The following KLHL29 variants were observed in gnomAD, a reference collection of about 807,000 sequenced individuals.
The protein encoded by KLHL29 is kelch-like protein 29.
In KLHL29, 21 loss-of-function variants were observed where a neutral mutation model predicts 80.4. The observed-to-expected ratio is 0.26, with a 90% CI of 0.19 to 0.38. The LOEUF is 0.38. Ranked by LOEUF, KLHL29 falls within the 10% of genes least tolerant of loss-of-function variation. The pLI is 1.00. For missense variants in KLHL29, 867 were observed against 1,223.9 expected (o/e 0.71, Z 4.35); for synonymous variants, 511 against 526.8 (o/e 0.97, Z 0.41).
At chr2:23,630,453 A>C (rs1669440577) in intron 3 of KLHL29, among the ~76,000 whole-genome samples, 1 of 152,106 alleles carries the variant, frequency 6.6e-6, no homozygotes, top group East Asian at 1.9e-4. Context: ...CCCGGGTTAG[A>C]GTCCCAGGCT....
intron 3 of KLHL29, among the ~76,000 whole-genome samples, chr2:23,621,613 C>T (rs1034413330): frequency 6.6e-6 from 1 of 152,056 alleles, no homozygotes; most frequent in African/African-American, 2.4e-5. Flanking sequence ...ACCCCCCAGA[C>T]AGGAAATGCA....
rs987202955 is a variant in KLHL29 at position 23,420,448 on chromosome 2, C to T, written c.-154+34668C>T. On this transcript the variant is annotated intron_variant, in intron 1 of 13. Coordinates refer to ENST00000486442, the MANE Select transcript of KLHL29 (RefSeq NM_052920.2). ...GCGGAATCCCACAGGAACACAGGCCCGCTGGCTCCCGAGACCGGGCTGTCT... is the reference window on the plus strand; with the variant it reads ...GCGGAATCCCACAGGAACACAGGCCTGCTGGCTCCCGAGACCGGGCTGTCT... Among the ~76,000 whole-genome samples, 5 of 152,240 alleles carry T rather than the reference C, an allele frequency of 3.3e-5. 1 individual carries two copies. In the South Asian group the frequency reaches 6.2e-4, roughly 19 times the overall value.
At chr2:23,563,973 T>A (rs1288614855) in intron 3 of KLHL29, among the ~76,000 whole-genome samples, 4 of 152,242 alleles carry the variant, frequency 2.6e-5, no homozygotes, top group Admixed American at 2.6e-4. Context: ...CAGTGACCTC[T>A]GCCCAGTAGG....
At chr2:23,392,308 T>C (rs977133041) in intron 1 of KLHL29, among the ~76,000 whole-genome samples, 1 of 152,250 alleles carries the variant, frequency 6.6e-6, no homozygotes, top group Non-Finnish European at 1.5e-5. Flanking sequence ...GTTCTGTAAG[T>C]CTCACTATCA....
intron 5 of KLHL29, among the ~76,000 whole-genome samples, chr2:23,673,550 G>A (rs535695604): frequency 3.3e-5 from 5 of 150,044 alleles, no homozygotes; most frequent in African/African-American, 7.4e-5. Context: ...ACATACACAC[G>A]CCCATGCCAC....
chr2:23,694,366 C>T (rs530272865), intron 8 of KLHL29, among the ~76,000 whole-genome samples: 2 of 152,196 alleles, frequency 1.3e-5, no homozygotes, highest in African/African-American at 4.8e-5. Context: ...CTCTCCCCAT[C>T]GAGACCTTCC....
intron 2 of KLHL29, among the ~76,000 whole-genome samples, chr2:23,532,125 T>A (rs1412860889): frequency 6.6e-6 from 1 of 152,170 alleles, no homozygotes; most frequent in East Asian, 1.9e-4. Context: ...CCCGCTCCAC[T>A]GGGGCCATGC....
chr2:23,664,241 C>G (rs934485289), intron 5 of KLHL29, among the ~76,000 whole-genome samples: 1 of 152,168 alleles, frequency 6.6e-6, no homozygotes, highest in Admixed American at 6.5e-5. Flanking sequence ...ATACACTGCA[C>G]ACTGTCAGGT....
At position 23,423,294 on chromosome 2, in the gene KLHL29, G is replaced by T. The variant is rs1243195833; in HGVS notation, c.-154+37514G>T. On this transcript the variant is annotated intron_variant, in intron 1 of 13. Coordinates refer to ENST00000486442, the MANE Select transcript of KLHL29 (RefSeq NM_052920.2). ...GGCCACCAGAGGCGTCTGCTGCGTG[G>T]TCAGCCTGGCCGACTGACCTCCCGG... is the stretch of plus-strand genomic sequence containing the variant. Among the ~76,000 whole-genome samples, 5 of 152,230 alleles carry T rather than the reference G, an allele frequency of 3.3e-5. No individual in the cohort carries two copies. In the East Asian group the frequency reaches 9.7e-4, roughly 29 times the overall value.
Position 23,524,156 on chromosome 2 carries a change from G to C in KLHL29, c.-45-37996G>C, listed in dbSNP as rs548759481. 1.3e-3 allele frequency: 541 copies of C among 415,520 alleles called. 8 individuals are homozygous for C. Among genetic ancestry groups the C allele is most frequent in the South Asian group, 9.4e-3 (530 of 56,242 alleles). 25.7% of individuals were successfully genotyped at this position (415,520 alleles called of 1,614,324 possible). A position where few individuals can be genotyped will look rare whatever the true frequency, so the allele number is the denominator to read the frequency against. Reference sequence around the variant, plus strand: ...CCATTTCTCGGAAAAGGAAGCCGATGCTGGAGCGGGGGATGACTTGCTCAG... The same window carrying C: ...CCATTTCTCGGAAAAGGAAGCCGATCCTGGAGCGGGGGATGACTTGCTCAG... On this transcript the variant is annotated intron_variant, in intron 2 of 13. Transcript: ENST00000486442.
At chr2:23,597,859 G>A (rs1320679538) in intron 3 of KLHL29, among the ~76,000 whole-genome samples, 1 of 152,070 alleles carries the variant, frequency 6.6e-6, no homozygotes, top group Admixed American at 6.5e-5. Context: ...CCCCATCCCC[G>A]ACCTGTGGTC....
intron 3 of KLHL29, among the ~76,000 whole-genome samples, chr2:23,632,507 A>C (rs918990726): frequency 1.2e-4 from 18 of 152,262 alleles, no homozygotes; most frequent in African/African-American, 4.3e-4. Context: ...GCTGAAAGGA[A>C]GTGAAATATC....
At chr2:23,434,320 C>A (rs1424473994) in intron 1 of KLHL29, among the ~76,000 whole-genome samples, 108 of 54,900 alleles carry the variant, frequency 2.0e-3, no homozygotes, top group East Asian at 4.0e-3. Context: ...GACTCCGTCT[C>A]AAAAAAAAAA....
intron 1 of KLHL29, among the ~76,000 whole-genome samples, chr2:23,404,280 ATC>A (rs1666672157): frequency 6.6e-6 from 1 of 151,676 alleles, no homozygotes; most frequent in South Asian, 2.1e-4. Flanking sequence ...TAAAAAAAAA[ATC>A]ACTCAGTCAT....
chr2:23,501,205 G>A (rs1050283604), intron 2 of KLHL29, among the ~76,000 whole-genome samples: 9 of 151,988 alleles, frequency 5.9e-5, no homozygotes, highest in African/African-American at 1.9e-4. Flanking sequence ...TGAACACGTC[G>A]GGCAGATTCC....
intron 11 of KLHL29, among the ~76,000 whole-genome samples, chr2:23,698,253 G>A (rs897739662): frequency 3.1e-5 from 4 of 131,134 alleles, no homozygotes; most frequent in Non-Finnish European, 6.7e-5. Context: ...AGGGCCCTGA[G>A]CCCTTCCTCA....
chr2:23,608,707 A>G (rs1668787184), intron 3 of KLHL29, among the ~76,000 whole-genome samples: 1 of 152,284 alleles, frequency 6.6e-6, no homozygotes, highest in Non-Finnish European at 1.5e-5. Context: ...GAGCGTTTAG[A>G]TACCAAACCC....
intron 2 of KLHL29, among the ~76,000 whole-genome samples, chr2:23,510,003 C>T (rs1460902283): frequency 2.6e-5 from 4 of 152,168 alleles, no homozygotes; most frequent in Non-Finnish European, 5.9e-5. Flanking sequence ...TTCCATCATT[C>T]CTTCCTGAGA....
At chr2:23,661,360 T>TGAAAAA (rs1491223035) in intron 5 of KLHL29, among the ~76,000 whole-genome samples, 1 of 125,096 alleles carries the variant, frequency 8.0e-6, no homozygotes, top group Non-Finnish European at 1.7e-5. Flanking sequence ...AAAAAAACCA[T>TGAAAAA]GAAAAATGTT....
Sources: allele counts gnomAD v4.1 joint callset (sites outside exome capture counted in the v4.1 genomes callset), GRCh38; gene constraint gnomAD v4.1.1; transcripts MANE v1.5; gene names NCBI Gene and HGNC (gene_info 2026-07-23, HGNC 2026-07-21).